MSRA: variants seen among roughly 807,000 people sequenced by gnomAD.
The protein encoded by MSRA is methionine sulfoxide reductase A, also known as mitochondrial peptide methionine sulfoxide reductase.
Under a neutral mutation model 31.3 loss-of-function variants are expected in MSRA, and 54 were observed. That is an observed-to-expected ratio of 1.73 (90% CI 1.39 to 2.17). MSRA has a LOEUF of 2.17. Ranked by LOEUF, MSRA falls within the 30% of genes most tolerant of loss-of-function variation. The pLI is 0.00. For missense variants in MSRA, 507 were observed against 300.9 expected (o/e 1.69, Z -5.07); for synonymous variants, 169 against 116.5 (o/e 1.45, Z -2.90).
chr8:10,082,236 A>C (rs1399882124), intron 1 of MSRA, among the ~76,000 whole-genome samples: 5 of 152,000 alleles, frequency 3.3e-5, no homozygotes, highest in Non-Finnish European at 7.4e-5. Flanking sequence ...AAACGAAACA[A>C]AACAAACCCT....
chr8:10,096,562 T>G (rs1326700049), intron 1 of MSRA, among the ~76,000 whole-genome samples: 2 of 152,214 alleles, frequency 1.3e-5, no homozygotes, highest in Non-Finnish European at 2.9e-5. Flanking sequence ...AAATTTCTTA[T>G]TTTTGGTTGA....
intron 5 of MSRA, among the ~76,000 whole-genome samples, chr8:10,343,647 G>A (rs775404079): frequency 3.9e-5 from 6 of 152,074 alleles, no homozygotes; most frequent in East Asian, 1.9e-4. Context: ...TAAATGTAGC[G>A]CTTTACATTT....
At chr8:10,334,182 GTATT>G (rs1444422322) in intron 5 of MSRA, among the ~76,000 whole-genome samples, 1 of 98,462 alleles carries the variant, frequency 1.0e-5, no homozygotes. Flanking sequence ...GTGTGTGTGT[GTATT>G]TATGTGTGTG....
At chr8:10,157,080 T>G (rs1804215893) in intron 1 of MSRA, among the ~76,000 whole-genome samples, 1 of 151,982 alleles carries the variant, frequency 6.6e-6, no homozygotes, top group Non-Finnish European at 1.5e-5. Flanking sequence ...CATCGTAGAT[T>G]TGAAATTTAA....
At chr8:10,238,587 G>A (rs996672099) in intron 2 of MSRA, among the ~76,000 whole-genome samples, 8 of 152,164 alleles carry the variant, frequency 5.3e-5, no homozygotes, top group Admixed American at 2.6e-4. Flanking sequence ...TGAATGGAGC[G>A]TAACAGAAAG....
intron 1 of MSRA, among the ~76,000 whole-genome samples, chr8:10,162,875 G>A (rs986972459): frequency 2.6e-5 from 4 of 152,156 alleles, no homozygotes; most frequent in Non-Finnish European, 4.4e-5. Context: ...CCTCAGCCAC[G>A]ACAGTCGTGT....
At chr8:10,351,079 G>C (rs1028941442) in intron 5 of MSRA, among the ~76,000 whole-genome samples, 1 of 152,170 alleles carries the variant, frequency 6.6e-6, no homozygotes, top group African/African-American at 2.4e-5. Flanking sequence ...AGAATGCTGT[G>C]AGTCAGACGA....
intron 1 of MSRA, among the ~76,000 whole-genome samples, chr8:10,082,341 C>T (rs530774413): frequency 6.1e-4 from 93 of 152,222 alleles, no homozygotes; most frequent in Non-Finnish European, 1.1e-3. Context: ...GCACACATCA[C>T]GGAAGGGGGA....
chr8:10,402,389 A>G (rs562925177), intron 5 of MSRA, among the ~76,000 whole-genome samples: 4 of 152,212 alleles, frequency 2.6e-5, no homozygotes, highest in Non-Finnish European at 5.9e-5. Flanking sequence ...TTCTTCCTCG[A>G]CAGCCAGCAG....
At chr8:10,411,029 A>G (rs1563450677) in intron 5 of MSRA, 1 of 151,770 alleles carries the variant, frequency 6.6e-6, no homozygotes, top group Non-Finnish European at 1.5e-5. Flanking sequence ...CAAAAAAAAA[A>G]TCCTGACTGT....
At chr8:10,217,298 C>G (rs551206033) in intron 2 of MSRA, among the ~76,000 whole-genome samples, 6 of 152,228 alleles carry the variant, frequency 3.9e-5, no homozygotes, top group Non-Finnish European at 8.8e-5. Flanking sequence ...GCGCAAGTCT[C>G]GTGGCTGTTT....
intron 1 of MSRA, among the ~76,000 whole-genome samples, chr8:10,080,590 G>T (rs1267132680): frequency 6.6e-6 from 1 of 152,068 alleles, no homozygotes; most frequent in Non-Finnish European, 1.5e-5. Flanking sequence ...CAGTAGCACA[G>T]TCCCAGCTTA....
At chr8:10,093,050 T>A (rs1798935111) in intron 1 of MSRA, among the ~76,000 whole-genome samples, 2 of 152,208 alleles carry the variant, frequency 1.3e-5, no homozygotes, top group South Asian at 4.1e-4. Flanking sequence ...TTACATAGTT[T>A]TACTTTGAAC....
intron 5 of MSRA, among the ~76,000 whole-genome samples, chr8:10,368,923 C>T (rs1034087023): frequency 2.6e-5 from 4 of 152,158 alleles, no homozygotes; most frequent in African/African-American, 9.7e-5. Flanking sequence ...CTACTGATCT[C>T]CAAGAGCTTA....
intron 5 of MSRA, among the ~76,000 whole-genome samples, chr8:10,322,419 T>C (rs1802095774): frequency 1.3e-5 from 2 of 152,124 alleles, no homozygotes; most frequent in Non-Finnish European, 2.9e-5. Flanking sequence ...AGACCAGAAC[T>C]TGGAACTTCA....
intron 5 of MSRA, among the ~76,000 whole-genome samples, chr8:10,356,770 T>C (rs997371193): frequency 6.6e-6 from 1 of 151,966 alleles, no homozygotes; most frequent in South Asian, 2.1e-4. Flanking sequence ...CCTCCAGAAC[T>C]GTGAGAAATA....
chr8:10,228,707 C>G (rs1469245498), intron 2 of MSRA, among the ~76,000 whole-genome samples: 1 of 152,186 alleles, frequency 6.6e-6, no homozygotes, highest in African/African-American at 2.4e-5. Context: ...TTGGTTCTAT[C>G]TATGTCTTTG....
At chr8:10,101,153 G>T (rs1479896627) in intron 1 of MSRA, among the ~76,000 whole-genome samples, 1 of 152,078 alleles carries the variant, frequency 6.6e-6, no homozygotes, top group Admixed American at 6.5e-5. Context: ...TTTGAATTTT[G>T]ACTCAATTTT....
At chr8:10,062,797 T>C (rs1402525) in intron 1 of MSRA, among the ~76,000 whole-genome samples, 99,871 of 152,096 alleles carry the variant, frequency 0.66, 35,921 homozygotes, top group Non-Finnish European at 0.8. Flanking sequence ...CAGATGAAAA[T>C]GTATGTGATA....
Sources: gnomAD v4.1 joint callset for allele counts (sites outside exome capture counted in the v4.1 genomes callset) on GRCh38, gnomAD v4.1.1 for gene constraint, MANE v1.5 for transcripts, NCBI Gene and HGNC (gene_info 2026-07-23, HGNC 2026-07-21) for gene names.